Variants in PRCP observed in about 807,000 individuals in gnomAD.
The protein encoded by PRCP is prolylcarboxypeptidase, also known as lysosomal Pro-X carboxypeptidase.
A neutral mutation model predicts 54.2 loss-of-function variants in PRCP; 46 were observed. The ratio of observed to expected loss-of-function variants is 0.85; its 90% CI spans 0.67 to 1.09. PRCP has a LOEUF of 1.09. PRCP is among the 50% of genes least tolerant of loss of function. The pLI, the probability that PRCP is intolerant of heterozygous loss-of-function variation, is 0.00. For synonymous variants in PRCP, 240 were observed against 212.2 expected, an observed-to-expected ratio of 1.13 and a Z score of -1.14; for missense variants, 613 against 596.8, an observed-to-expected ratio of 1.03 and a Z score of -0.28.
intron 6 of PRCP, among the ~76,000 whole-genome samples, chr11:82,844,696 G>A (rs1265556677): frequency 2.2e-5 from 3 of 138,270 alleles, no homozygotes; most frequent in Non-Finnish European, 4.5e-5. Context: ...TCATGCCATT[G>A]CACTCCAGCC....
At chr11:82,892,064 A>C (rs2121274926) in intron 1 of PRCP, among the ~76,000 whole-genome samples, 1 of 152,330 alleles carries the variant, frequency 6.6e-6, no homozygotes, top group South Asian at 2.1e-4. Flanking sequence ...GAGAATATGT[A>C]CCTCACAGGA....
rs546736530 is a variant in PRCP at position 82,867,818 on chromosome 11, G to A, written c.169-7701C>T. ...GCTCACTGCAGCCTCGAACTCCTGG[G>A]CTCAGGCGATCCTCCTTCCTAAGCT... is the stretch of plus-strand genomic sequence containing the variant. On this transcript the variant is annotated intron_variant, in intron 1 of 8. Transcript: ENST00000313010. Among the ~76,000 whole-genome samples, 4 of 152,182 alleles carry A rather than the reference G, an allele frequency of 2.6e-5. No homozygotes were observed. In the East Asian group the frequency reaches 7.7e-4, roughly 29 times the overall value.
Position 82,860,748 on chromosome 11 carries a change from G to A in PRCP, c.169-631C>T, listed in dbSNP as rs570736471. ...ACTACTGAAAAGGTCCATAAACCTT[G>A]TCACCCCAGCACACCATAGATATTC... On this transcript the variant is annotated intron_variant, in intron 1 of 8. Coordinates refer to ENST00000313010, the MANE Select transcript of PRCP (RefSeq NM_005040.4). Among the ~76,000 whole-genome samples the A allele has an allele frequency of 2.0e-5, 3 of 152,140 alleles. No homozygotes were observed. In the East Asian group the frequency reaches 5.8e-4, roughly 29 times the overall value.
intron 8 of PRCP, chr11:82,828,535 A>G (rs1318448405): frequency 3.3e-5 from 5 of 152,228 alleles, no homozygotes; most frequent in African/African-American, 9.6e-5. Context: ...AATCACTTCT[A>G]GAACATTTTA....
intron 6 of PRCP, chr11:82,840,536 T>C (rs1858636933): frequency 6.6e-6 from 1 of 152,208 alleles, no homozygotes; most frequent in South Asian, 2.1e-4. Flanking sequence ...AAATCAAATA[T>C]AATAAAATAT....
chr11:82,866,913 G>C (rs1048203615), intron 1 of PRCP, among the ~76,000 whole-genome samples: 1 of 151,944 alleles, frequency 6.6e-6, no homozygotes, highest in African/African-American at 2.4e-5. Context: ...GTAGAGACAG[G>C]GTTTCACCAT....
intron 8 of PRCP, chr11:82,828,500 C>T (rs1316802340): frequency 2.6e-5 from 4 of 152,280 alleles, no homozygotes; most frequent in Non-Finnish European, 4.4e-5. Flanking sequence ...TGGTACCTCT[C>T]GGCATATCTA....
At chr11:82,833,004 C>T (rs2121071721) in intron 8 of PRCP, among the ~76,000 whole-genome samples, 1 of 152,324 alleles carries the variant, frequency 6.6e-6, no homozygotes, top group Non-Finnish European at 1.5e-5. Flanking sequence ...AGTAGACTTG[C>T]CACTGCTAAA....
intron 2 of PRCP, among the ~76,000 whole-genome samples, chr11:82,855,930 G>A (rs549360072): frequency 1.2e-4 from 18 of 152,294 alleles, no homozygotes; most frequent in African/African-American, 3.4e-4. Context: ...CAGCCACTAC[G>A]GAAAGCAGTT....
At chr11:82,879,567 C>T (rs1006781648) in intron 1 of PRCP, among the ~76,000 whole-genome samples, 5 of 152,216 alleles carry the variant, frequency 3.3e-5, no homozygotes, top group African/African-American at 1.2e-4. Context: ...CAACTTTGTT[C>T]TGTTGCTGGT....
rs540519201 is a variant in PRCP at position 82,880,239 on chromosome 11, G to A, written c.168+19996C>T. ...GTTTACCTACTCAAGCCTCAGCAAT[G>A]GCAGATGCCCCTCCCCCAGCCTCTT... is the stretch of plus-strand genomic sequence containing the variant. On this transcript the variant is annotated intron_variant, in intron 1 of 8. Coordinates refer to ENST00000313010, the MANE Select transcript of PRCP (RefSeq NM_005040.4). 2.8e-3 allele frequency among the ~76,000 whole-genome samples: 434 copies of A among 152,348 alleles called. 1 individual carries two copies. Among genetic ancestry groups the A allele is most frequent in the African/African-American group, 9.8e-3 (407 of 41,580 alleles).
At chr11:82,877,602 G>T (rs934304540) in intron 1 of PRCP, among the ~76,000 whole-genome samples, 1 of 152,234 alleles carries the variant, frequency 6.6e-6, no homozygotes, top group African/African-American at 2.4e-5. Context: ...GGAGCCCTAA[G>T]CCTTAGCAGC....
chr11:82,826,825 G>A (rs1858247890), intron 8 of PRCP: 1 of 152,138 alleles, frequency 6.6e-6, no homozygotes, highest in African/African-American at 2.4e-5. Context: ...TTGAGTGAGA[G>A]CTCACACTCT....
chr11:82,865,255 A>G (rs1859304270), intron 1 of PRCP, among the ~76,000 whole-genome samples: 1 of 152,218 alleles, frequency 6.6e-6, no homozygotes, highest in South Asian at 2.1e-4. Context: ...TACTCCTTGC[A>G]TTATAACACG....
At position 82,860,112 on chromosome 11, in the gene PRCP, A is replaced by T; in HGVS notation, c.174T>A (p.Asp58Glu). The change falls in exon 2 of 9, where the codon GAT becomes GAA. Residue 58 changes from aspartate (D) to glutamate (E), a missense_variant. Asp to Glu is a conservative substitution (Grantham distance 45). Transcript: ENST00000313010. ...TTTTCACAGTATTAAATCCAAAATG[A>T]TCAACCTGTGATAAAAACAAAACAA... is the stretch of plus-strand genomic sequence containing the variant. ...YSVLYFQQKV[D>E]HFGFNTVKTF... 2.0e-6 allele frequency: 3 copies of T among 1,508,984 alleles called. No homozygotes were observed. Among genetic ancestry groups the T allele is most frequent in the South Asian group, 1.3e-5 (1 of 75,478 alleles). 93.5% of individuals were successfully genotyped at this position (1,508,984 alleles called of 1,614,324 possible).
Position 82,824,073 on chromosome 11 carries a change from A to AT in PRCP, c.*832dup, listed in dbSNP as rs1858158450. ...TTTAAAGGCTTCTTACTGAAATATA[A>AT]TTAGTGACTACAGCATAAAGCTTGC... is the stretch of plus-strand genomic sequence containing the variant. On this transcript the variant is annotated 3_prime_UTR_variant, in exon 9 of 9. Coordinates refer to ENST00000313010, the MANE Select transcript of PRCP (RefSeq NM_005040.4). 1 of 152,250 alleles carries AT rather than the reference A, an allele frequency of 6.6e-6. No individual in the cohort carries two copies. The highest frequency in any genetic ancestry group is 2.4e-5 in the African/African-American group (1 of 41,464). The allele number at this position is 152,250 out of a possible 1,614,324, so 9.4% of individuals were successfully genotyped here. A position where few individuals can be genotyped will look rare whatever the true frequency, so the allele number is the denominator to read the frequency against.
chr11:82,897,681 A>T (rs1486520485), intron 1 of PRCP, among the ~76,000 whole-genome samples: 1 of 152,242 alleles, frequency 6.6e-6, no homozygotes, highest in Admixed American at 6.5e-5. Context: ...ATTATGGCAG[A>T]ATATAAAGTT....
At chr11:82,875,609 C>T (rs1859584611) in intron 1 of PRCP, among the ~76,000 whole-genome samples, 1 of 152,176 alleles carries the variant, frequency 6.6e-6, no homozygotes. Flanking sequence ...CCGGGCTATA[C>T]TGGATACAAG....
chr11:82,892,977 G>A (rs1440871392), intron 1 of PRCP, among the ~76,000 whole-genome samples: 1 of 152,212 alleles, frequency 6.6e-6, no homozygotes, highest in African/African-American at 2.4e-5. Context: ...AGGTAGGTAG[G>A]TGGGTGGGTA....
Sources: gnomAD v4.1 joint callset for allele counts (sites outside exome capture counted in the v4.1 genomes callset) on GRCh38, gnomAD v4.1.1 for gene constraint, MANE v1.5 for transcripts, NCBI Gene and HGNC (gene_info 2026-07-23, HGNC 2026-07-21) for gene names.